The following WIF1 variants were observed in gnomAD, a reference collection of about 807,000 sequenced individuals.
The protein encoded by WIF1 is Wnt inhibitory factor 1.
A neutral mutation model predicts 53.5 loss-of-function variants in WIF1; 35 were observed. That is an observed-to-expected ratio of 0.65 (90% CI 0.50 to 0.87). The LOEUF is 0.87. WIF1 is among the 40% of genes least tolerant of loss of function. The pLI, the probability that WIF1 is intolerant of heterozygous loss-of-function variation, is 0.00. For synonymous variants in WIF1, 171 were observed against 170.4 expected (o/e 1.00, Z -0.03); for missense variants, 467 against 476.8 (o/e 0.98, Z 0.19).
intron 2 of WIF1, among the ~76,000 whole-genome samples, chr12:65,086,246 A>C (rs1264825652): frequency 6.6e-6 from 1 of 152,076 alleles, no homozygotes; most frequent in Non-Finnish European, 1.5e-5. Context: ...TTATAATGGA[A>C]AGGGTGGTGT....
chr12:65,120,815 C>A, intron 1 of WIF1: 1 of 843,976 alleles, frequency 1.2e-6, no homozygotes, highest in Non-Finnish European at 1.7e-6. Flanking sequence ...CACCTAAAAA[C>A]GCAGGGCTAT....
At chr12:65,074,841 A>G (rs1212738582) in intron 3 of WIF1, among the ~76,000 whole-genome samples, 2 of 140,334 alleles carry the variant, frequency 1.4e-5, no homozygotes, top group Non-Finnish European at 3.2e-5. Context: ...AAAAAAAAGA[A>G]AAGAAAAAGA....
intron 1 of WIF1, among the ~76,000 whole-genome samples, chr12:65,120,843 T>C: frequency 6.6e-6 from 1 of 152,294 alleles, no homozygotes; most frequent in Admixed American, 6.5e-5. Context: ...AACAACAGCA[T>C]GATCAGAACA....
intron 2 of WIF1, among the ~76,000 whole-genome samples, chr12:65,086,703 CTT>C (rs35313351): frequency 5.2e-5 from 7 of 134,250 alleles, no homozygotes; most frequent in Non-Finnish European, 7.7e-5. Context: ...GTGTTTCTTT[CTT>C]TTTTTTTTTT....
chr12:65,086,150 GA>G (rs11433448), intron 2 of WIF1, among the ~76,000 whole-genome samples: 7 of 148,612 alleles, frequency 4.7e-5, no homozygotes, highest in African/African-American at 1.5e-4. Flanking sequence ...TCTAAAAATT[GA>G]AAAAAAAAAG....
chr12:65,080,696 A>G (rs1882935611), intron 2 of WIF1, among the ~76,000 whole-genome samples: 1 of 152,226 alleles, frequency 6.6e-6, no homozygotes, highest in Non-Finnish European at 1.5e-5. Flanking sequence ...TACAGTAACA[A>G]CAATCACACA....
chr12:65,098,533 G>A (rs545775472), intron 2 of WIF1, among the ~76,000 whole-genome samples: 1 of 152,076 alleles, frequency 6.6e-6, no homozygotes, highest in Non-Finnish European at 1.5e-5. Context: ...TTTTGCTATT[G>A]TTCAATACCT....
At chr12:65,117,626 T>C (rs1377858364) in intron 2 of WIF1, among the ~76,000 whole-genome samples, 1 of 152,216 alleles carries the variant, frequency 6.6e-6, no homozygotes, top group Non-Finnish European at 1.5e-5. Context: ...TTGTAATATG[T>C]AATGAAATAA....
intron 3 of WIF1, among the ~76,000 whole-genome samples, chr12:65,069,746 A>G (rs1458664990): frequency 6.6e-6 from 1 of 152,144 alleles, no homozygotes; most frequent in Non-Finnish European, 1.5e-5. Flanking sequence ...ACAAAGAGGG[A>G]AGGAGGACAC....
chr12:65,112,414 A>T (rs1179389034), intron 2 of WIF1, among the ~76,000 whole-genome samples: 7 of 136,986 alleles, frequency 5.1e-5, no homozygotes, highest in African/African-American at 2.4e-4. Flanking sequence ...TCACACACAC[A>T]CACACACACA....
At position 65,086,784 on chromosome 12, in the gene WIF1, A is replaced by G. The variant is rs143229156; in HGVS notation, c.289-8930T>C. ...AAAGCTTCAGAAGCAGTCATTGAGT[A>G]TTCATCTGTATGAAGGGAAAAGAGA... On this transcript the variant is annotated intron_variant, in intron 2 of 9. Coordinates refer to ENST00000286574, the MANE Select transcript of WIF1 (RefSeq NM_007191.5). Among the ~76,000 whole-genome samples the G allele has an allele frequency of 8.6e-4, 128 of 149,534 alleles. 1 individual carries two copies. The highest frequency in any genetic ancestry group is 3.0e-3 in the African/African-American group (124 of 40,750).
rs1427247789 is a variant in WIF1 at position 65,120,399 on chromosome 12, A to T, written c.288+18T>A. ...TAAGGCAGTGGAAATATTAAAGGGTAATTTTCTCAGAACTTACCTGCCCTG... is the reference window on the plus strand; with the variant it reads ...TAAGGCAGTGGAAATATTAAAGGGTTATTTTCTCAGAACTTACCTGCCCTG... On this transcript the variant is annotated intron_variant, in intron 2 of 9. Coordinates refer to ENST00000286574, the MANE Select transcript of WIF1 (RefSeq NM_007191.5). 5 of 1,610,772 alleles carry T rather than the reference A, an allele frequency of 3.1e-6. No individual in the cohort carries two copies. Among genetic ancestry groups the T allele is most frequent in the Non-Finnish European group, 3.4e-6 (4 of 1,178,630 alleles).
intron 3 of WIF1, among the ~76,000 whole-genome samples, chr12:65,069,332 C>G (rs561702375): frequency 1.3e-5 from 2 of 152,272 alleles, no homozygotes; most frequent in South Asian, 4.1e-4. Flanking sequence ...GCATCTTCAT[C>G]AGCCTCCATA....
chr12:65,120,295 G>T (rs1883580347), intron 2 of WIF1, 122 bp downstream of exon 2: 4 of 1,009,820 alleles, frequency 4.0e-6, no homozygotes, highest in African/African-American at 1.6e-5. Flanking sequence ...ATTTGCTTTG[G>T]CAATCAGATG....
chr12:65,073,138 A>C (rs1882809334), intron 3 of WIF1, among the ~76,000 whole-genome samples: 1 of 152,186 alleles, frequency 6.6e-6, no homozygotes, highest in Non-Finnish European at 1.5e-5. Context: ...AAAGGCAGGC[A>C]AGAGCCCATC....
chr12:65,058,995 A>C (rs1399583272), intron 7 of WIF1, among the ~76,000 whole-genome samples: 2 of 151,998 alleles, frequency 1.3e-5, no homozygotes, highest in African/African-American at 4.8e-5. Flanking sequence ...GAGGTTGCAG[A>C]GAGCCAAGAT....
At chr12:65,120,623 A>G (rs1308515527) in intron 1 of WIF1, 67 bp from the exon 2 acceptor site, 6 of 1,547,744 alleles carry the variant, frequency 3.9e-6, no homozygotes, top group East Asian at 2.2e-5. Context: ...AGAAGTTTCA[A>G]GCAAAAAGAA....
intron 2 of WIF1, among the ~76,000 whole-genome samples, chr12:65,082,281 A>G (rs1481123400): frequency 1.3e-5 from 2 of 152,222 alleles, no homozygotes; most frequent in Non-Finnish European, 2.9e-5. Context: ...AACAATTTCC[A>G]CAAATTGTAG....
At chr12:65,094,063 C>G (rs776526333) in intron 2 of WIF1, among the ~76,000 whole-genome samples, 10 of 152,154 alleles carry the variant, frequency 6.6e-5, no homozygotes, top group Non-Finnish European at 1.3e-4. Context: ...CTGCATAATA[C>G]ACATATCTCT....
Sources: gnomAD v4.1 joint callset for allele counts (sites outside exome capture counted in the v4.1 genomes callset) on GRCh38, gnomAD v4.1.1 for gene constraint, MANE v1.5 for transcripts, NCBI Gene and HGNC (gene_info 2026-07-23, HGNC 2026-07-21) for gene names.